The following ADGRL2 variants were observed in gnomAD, a reference collection of about 807,000 sequenced individuals.
ADGRL2 encodes the protein calcium-independent alpha-latrotoxin receptor 2.
Under a neutral mutation model 157.4 loss-of-function variants are expected in ADGRL2, and 44 were observed. That is an observed-to-expected ratio of 0.28 (90% CI 0.22 to 0.36). The LOEUF (loss-of-function observed/expected upper bound fraction) is 0.36. Ranked by LOEUF, ADGRL2 falls within the 10% of genes least tolerant of loss-of-function variation. The probability of loss-of-function intolerance (pLI) is 1.00; values close to 1 mark genes in which losing one functional copy is unlikely to be tolerated. For missense variants in ADGRL2, 1,510 were observed against 1,768.9 expected (o/e 0.85, Z 2.63); for synonymous variants, 585 against 624.7 (o/e 0.94, Z 0.95).
chr1:81,774,837 T>C (rs74095907), intron 2 of ADGRL2, among the ~76,000 whole-genome samples: 2,170 of 152,214 alleles, frequency 0.014, 52 homozygotes, highest in African/African-American at 0.05. Context: ...TTATATGTTA[T>C]ATCCCATCTT....
At chr1:81,505,808 A>T (rs2296235) in intron 2 of ADGRL2, among the ~76,000 whole-genome samples, 12,224 of 151,222 alleles carry the variant, frequency 0.081, 661 homozygotes, top group East Asian at 0.25. Context: ...AGTTTTTATT[A>T]AAAAAAAGCA....
intron 2 of ADGRL2, among the ~76,000 whole-genome samples, chr1:81,769,058 G>A (rs1400141758): frequency 6.6e-6 from 1 of 151,714 alleles, no homozygotes; most frequent in Non-Finnish European, 1.5e-5. Context: ...ACTGCAGTCT[G>A]GGCGACAGAG....
intron 1 of ADGRL2, among the ~76,000 whole-genome samples, chr1:81,720,937 T>G (rs1375952044): frequency 6.6e-6 from 1 of 150,480 alleles, no homozygotes; most frequent in East Asian, 1.9e-4. Flanking sequence ...AAATAAATAT[T>G]CATGGGTTCT....
At chr1:81,325,159 A>T (rs1439803053) in intron 1 of ADGRL2, among the ~76,000 whole-genome samples, 10 of 152,206 alleles carry the variant, frequency 6.6e-5, no homozygotes, top group Non-Finnish European at 1.5e-4. Flanking sequence ...TGTTCTGTAG[A>T]AGAGCAGATC....
chr1:81,953,212 A>G (rs1652404794), intron 10 of ADGRL2, among the ~76,000 whole-genome samples, 187 bp downstream of exon 10: 3 of 152,168 alleles, frequency 2.0e-5, no homozygotes, highest in Admixed American at 1.3e-4. Flanking sequence ...TTTACTTTTA[A>G]TGATTTCTGC....
At chr1:81,446,911 C>A (rs1183413859) in intron 2 of ADGRL2, among the ~76,000 whole-genome samples, 1 of 151,850 alleles carries the variant, frequency 6.6e-6, no homozygotes, top group Non-Finnish European at 1.5e-5. Context: ...CCATATTTTT[C>A]TTTTAATAAC....
chr1:81,910,768 A>G (rs1385461926), intron 3 of ADGRL2, among the ~76,000 whole-genome samples: 1 of 151,796 alleles, frequency 6.6e-6, no homozygotes, highest in Non-Finnish European at 1.5e-5. Context: ...CAAAACCCTA[A>G]TAGTTTAGCA....
rs567950677 is a variant in ADGRL2, at chr1:81,580,302, C to A, written c.-247-574C>A. ...GGTTCACTAACCCCAAGGAGGTATG[C>A]CCATGCTGATTTACATTGTATTGAT... On this transcript the variant is annotated intron_variant, in intron 2 of 24. Coordinates refer to the ADGRL2 transcript ENST00000370721. 1.4e-4 allele frequency among the ~76,000 whole-genome samples: 22 copies of A among 151,900 alleles called. No individual in the cohort carries two copies. In the East Asian group the frequency reaches 1.6e-3, roughly 11 times the overall value.
At chr1:81,917,470 A>G (rs554686457) in intron 3 of ADGRL2, among the ~76,000 whole-genome samples, 4 of 152,074 alleles carry the variant, frequency 2.6e-5, no homozygotes, top group Non-Finnish European at 5.9e-5. Flanking sequence ...TTAGTTTTAG[A>G]GGTAATACAT....
intron 3 of ADGRL2, among the ~76,000 whole-genome samples, chr1:81,619,771 T>C (rs923553809): frequency 6.6e-6 from 1 of 151,846 alleles, no homozygotes; most frequent in African/African-American, 2.4e-5. Flanking sequence ...TGTTTTGTTT[T>C]GCATTTAATC....
At chr1:81,900,852 A>T (rs1362528536) in intron 2 of ADGRL2, among the ~76,000 whole-genome samples, 1 of 152,098 alleles carries the variant, frequency 6.6e-6, no homozygotes, top group Non-Finnish European at 1.5e-5. Flanking sequence ...GTCTCTGCCC[A>T]GTCATTGGCT....
chr1:81,609,558 T>C (rs2081499731), intron 3 of ADGRL2, among the ~76,000 whole-genome samples: 1 of 152,166 alleles, frequency 6.6e-6, no homozygotes, highest in African/African-American at 2.4e-5. Context: ...TAAAACATAC[T>C]AGCTCACAAG....
rs1458298987 is a variant in ADGRL2 at position 81,393,761 on chromosome 1, A to C, written c.-301-51275A>C. Among the ~76,000 whole-genome samples the C allele has an allele frequency of 2.0e-5, 3 of 152,076 alleles. 1 individual carries two copies. The highest frequency in any genetic ancestry group is 1.3e-4 in the Admixed American group (2 of 15,262). On this transcript the variant is annotated intron_variant, in intron 1 of 24. Transcript: ENST00000370721. ...AAGGAATCTACACCATATAATAAAT[A>C]AACCTTAAACAACCAAATAATAGTT...
intron 1 of ADGRL2, among the ~76,000 whole-genome samples, chr1:81,352,564 T>G (rs1662975724): frequency 6.6e-6 from 1 of 152,214 alleles, no homozygotes; most frequent in Non-Finnish European, 1.5e-5. Flanking sequence ...AATTTTGTTG[T>G]ACCTCGAAAT....
At chr1:81,323,030 G>T (rs1401938974) in intron 1 of ADGRL2, among the ~76,000 whole-genome samples, 1 of 151,802 alleles carries the variant, frequency 6.6e-6, no homozygotes, top group East Asian at 1.9e-4. Flanking sequence ...GCTAATTTTT[G>T]TATTTTTAGT....
intron 3 of ADGRL2, among the ~76,000 whole-genome samples, chr1:81,612,047 G>A (rs1163422105): frequency 6.6e-6 from 1 of 152,114 alleles, no homozygotes; most frequent in Non-Finnish European, 1.5e-5. Context: ...CAAATTATGA[G>A]TCAATTAAAC....
chr1:81,650,468 C>T (rs1042388403), intron 3 of ADGRL2, among the ~76,000 whole-genome samples: 2 of 150,620 alleles, frequency 1.3e-5, no homozygotes, highest in African/African-American at 2.4e-5. Flanking sequence ...TCCAGCTACT[C>T]GGGAGGCTGA....
chr1:81,499,301 G>T (rs1460767536), intron 2 of ADGRL2, among the ~76,000 whole-genome samples: 3 of 152,384 alleles, frequency 2.0e-5, no homozygotes, highest in East Asian at 1.9e-4. Flanking sequence ...GCTGGGTCTA[G>T]GCTCTGCTTT....
chr1:81,698,268 A>G (rs2083485152), upstream of ADGRL2, among the ~76,000 whole-genome samples: 1 of 152,194 alleles, frequency 6.6e-6, no homozygotes, highest in African/African-American at 2.4e-5. Context: ...AGAGGTAGTA[A>G]TGTATTATCT....
Sources: allele counts gnomAD v4.1 joint callset (sites outside exome capture counted in the v4.1 genomes callset), GRCh38; gene constraint gnomAD v4.1.1; transcripts MANE v1.5; gene names NCBI Gene and HGNC (gene_info 2026-07-23, HGNC 2026-07-21).